The following CHDH variants were observed in gnomAD, a reference collection of about 807,000 sequenced individuals.
The protein encoded by CHDH is choline dehydrogenase, mitochondrial.
CHDH carries 43 observed loss-of-function variants against 56.9 expected under a neutral mutation model. That is an observed-to-expected ratio of 0.76 (90% CI 0.59 to 0.97). The LOEUF is 0.97. Ranked by LOEUF, CHDH falls within the 50% of genes least tolerant of loss-of-function variation. The probability of loss-of-function intolerance (pLI) is 0.00; values close to 1 mark genes in which losing one functional copy is unlikely to be tolerated. For synonymous variants in CHDH, 364 were observed against 348.5 expected, an observed-to-expected ratio of 1.04 and a Z score of -0.50; for missense variants, 816 against 821.1, an observed-to-expected ratio of 0.99 and a Z score of 0.08.
At chr3:53,824,091 A>C (rs899489064) in intron 2 of CHDH, 24 bp from the exon 3 acceptor site, 1 of 1,312,012 alleles carries the variant, frequency 7.6e-7, no homozygotes. Context: ...AGGGGCTTTA[A>C]AAATCTTAAC....
chr3:53,817,592 C>G lies in CHDH; in HGVS notation c.*185G>C. On this transcript the variant is annotated 3_prime_UTR_variant, in exon 9 of 9. Transcript: ENST00000315251. ...ACAGGGAAAGGCTGGGGAAAAGGAG[C>G]TGGATTCACTGCCCAGTACTTGTCT... 2 of 567,174 alleles carry G rather than the reference C, an allele frequency of 3.5e-6. No individual in the cohort carries two copies. Among genetic ancestry groups the G allele is most frequent in the South Asian group, 5.3e-5 (2 of 38,094 alleles). 35.1% of individuals were successfully genotyped at this position (567,174 alleles called of 1,614,324 possible). A position where few individuals can be genotyped will look rare whatever the true frequency, so the allele number is the denominator to read the frequency against.
intron 2 of CHDH, among the ~76,000 whole-genome samples, chr3:53,840,327 G>GTTC (rs1698631156): frequency 6.6e-6 from 1 of 152,124 alleles, no homozygotes; most frequent in Non-Finnish European, 1.5e-5. Flanking sequence ...AGGAGTTCAA[G>GTTC]ACCAGCTTGG....
intron 2 of CHDH, among the ~76,000 whole-genome samples, chr3:53,827,733 A>G (rs1277846913): frequency 6.6e-6 from 1 of 152,260 alleles, no homozygotes; most frequent in Non-Finnish European, 1.5e-5. Flanking sequence ...CCCTGATGAA[A>G]TTTAAAAACT....
intron 8 of CHDH, among the ~76,000 whole-genome samples, chr3:53,818,533 C>A (rs2095619990): frequency 6.6e-6 from 1 of 152,188 alleles, no homozygotes; most frequent in African/African-American, 2.4e-5. Flanking sequence ...CACTGCTGGG[C>A]AAAACCTGCC....
chr3:53,820,316 T>A (rs2095623755), intron 6 of CHDH, among the ~76,000 whole-genome samples, 158 bp downstream of exon 6: 1 of 152,154 alleles, frequency 6.6e-6, no homozygotes, highest in Non-Finnish European at 1.5e-5. Flanking sequence ...AAACTGTGCA[T>A]CCCCATTTTG....
intron 2 of CHDH, among the ~76,000 whole-genome samples, chr3:53,830,334 TG>T (rs1698295209): frequency 6.6e-6 from 1 of 151,846 alleles, no homozygotes; most frequent in African/African-American, 2.4e-5. Context: ...CACATCAACA[TG>T]GATGAATCCT....
At chr3:53,821,447 G>GAAAAC (rs1382186779) in intron 5 of CHDH, among the ~76,000 whole-genome samples, 200 bp downstream of exon 5, 1 of 152,206 alleles carries the variant, frequency 6.6e-6, no homozygotes, top group Non-Finnish European at 1.5e-5. Flanking sequence ...GAGGGAGAAG[G>GAAAAC]AAAACAATGC....
In CHDH at chr3:53,819,418, C is replaced by A; in HGVS notation, c.1263+114G>T. On this transcript the variant is annotated intron_variant, in intron 7 of 8. Coordinates refer to ENST00000315251, the MANE Select transcript of CHDH (RefSeq NM_018397.5). The surrounding 1 kb of genome is among the most constrained non-coding windows in gnomAD (Gnocchi z 5.4). ...AGGCAGGGGACAGGCCTCTGTGTCC[C>A]CCACTCTGCAGCCATATGGCACCAG... is the stretch of plus-strand genomic sequence containing the variant. 7.2e-7 allele frequency: 1 copy of A among 1,391,580 alleles called. No individual in the cohort carries two copies. The highest frequency in any genetic ancestry group is 9.8e-7 in the Non-Finnish European group (1 of 1,020,894). The allele number at this position is 1,391,580 out of a possible 1,614,324, so 86.2% of individuals were successfully genotyped here.
Position 53,823,624 on chromosome 3 carries a change from C to G in CHDH, c.385G>C (p.Gly129Arg), listed in dbSNP as rs1448308747. 6.5e-7 allele frequency: 1 copy of G among 1,543,906 alleles called. No individual in the cohort carries two copies. The highest frequency in any genetic ancestry group is 8.7e-7 in the Non-Finnish European group (1 of 1,146,260). Residue 129 changes from glycine (G) to arginine (R), a missense_variant, in exon 3 of 9, where the codon GGT (glycine) becomes CGT (arginine). Coordinates refer to ENST00000315251, the MANE Select transcript of CHDH (RefSeq NM_018397.5). ...ATGGCATTGAGGGATGAGGAGCCACCCCAGACGCGGCCGCGTGGCCAGTAC... is the reference window on the plus strand; with the variant it reads ...ATGGCATTGAGGGATGAGGAGCCACGCCAGACGCGGCCGCGTGGCCAGTAC... ...VLYWPRGRVW[G>R]GSSSLNAMVY...
intron 2 of CHDH, among the ~76,000 whole-genome samples, chr3:53,828,291 C>A (rs975717315): frequency 1.3e-5 from 2 of 152,090 alleles, no homozygotes; most frequent in African/African-American, 4.8e-5. Flanking sequence ...CTATAAAACT[C>A]CTAGAAGATA....
intron 5 of CHDH, among the ~76,000 whole-genome samples, chr3:53,821,170 GAGAC>G (rs1290845467): frequency 6.6e-6 from 1 of 152,262 alleles, no homozygotes; most frequent in East Asian, 1.9e-4. Context: ...AGGAGGGCAA[GAGAC>G]AGAGCCCGAC....
chr3:53,818,015 C>G lies in CHDH; in HGVS notation c.1547G>C (p.Cys516Ser). The G allele has an allele frequency of 6.2e-7, 1 of 1,614,220 alleles. No individual in the cohort carries two copies. ...GGGATCGGAGGGCTGGCCCATCTTA[C>G]AGGTGCACGAGGGGTGGTAGGCGCT... ...ADSAYHPSCT[C>S]KMGQPSDPTA... Residue 516 changes from cysteine (C) to serine (S), a missense_variant, in exon 9 of 9, where the codon TGT (cysteine) becomes TCT (serine). Transcript: ENST00000315251.
intron 2 of CHDH, among the ~76,000 whole-genome samples, chr3:53,829,765 T>C (rs1391477689): frequency 1.3e-5 from 2 of 152,162 alleles, no homozygotes; most frequent in South Asian, 2.1e-4. Context: ...TTGACTCCAC[T>C]CCCTAACTAT....
chr3:53,837,327 G>A (rs1244365221), intron 2 of CHDH, among the ~76,000 whole-genome samples: 1 of 152,230 alleles, frequency 6.6e-6, no homozygotes, highest in African/African-American at 2.4e-5. Context: ...TGGACAGTGT[G>A]GACGAGGCCA....
At chr3:53,824,723 C>T (rs1488409878) in intron 2 of CHDH, among the ~76,000 whole-genome samples, 2 of 152,134 alleles carry the variant, frequency 1.3e-5, no homozygotes, top group Non-Finnish European at 2.9e-5. Flanking sequence ...AGAAAAATGG[C>T]AATAGCTTTG....
rs1229893256 is a variant in CHDH at position 53,823,658 on chromosome 3, G to A, written c.351C>T (p.Gly117=). ...GGCCGCGTGGCCAGTACAGCACGCGGCCGTCCAGGCCCCGCTGCACCTCTG... is the reference window on the plus strand; with the variant it reads ...GGCCGCGTGGCCAGTACAGCACGCGACCGTCCAGGCCCCGCTGCACCTCTG... ...YHTEVQRGLD[G]RVLYWPRGRV... The change falls in exon 3 of 9, where the codon GGC becomes GGT. Residue 117 remains glycine (G), a synonymous_variant. Coordinates refer to ENST00000315251, the MANE Select transcript of CHDH (RefSeq NM_018397.5). The A allele has an allele frequency of 6.5e-7, 1 of 1,545,680 alleles. No homozygotes were observed.
In CHDH at chr3:53,812,429, T is replaced by G. The variant is rs942830060; in HGVS notation, c.*5348A>C. On this transcript the variant is annotated 3_prime_UTR_variant, in exon 9 of 9. Coordinates refer to ENST00000315251, the MANE Select transcript of CHDH (RefSeq NM_018397.5). ...ACTACAGAAATTTTTCTAAAATATT[T>G]TGAGTCACTATAAACCTATCATCTT... 1 of 152,244 alleles carries G rather than the reference T, an allele frequency of 6.6e-6. No homozygotes were observed. The highest frequency in any genetic ancestry group is 2.4e-5 in the African/African-American group (1 of 41,462). 9.4% of individuals were successfully genotyped at this position (152,244 alleles called of 1,614,324 possible). A position where few individuals can be genotyped will look rare whatever the true frequency, so the allele number is the denominator to read the frequency against.
rs1412559141 is a variant in CHDH at position 53,813,239 on chromosome 3, A to T, written c.*4538T>A. The stretch of plus-strand genomic sequence containing the variant: ...CTCTGATCCAGGCAAAAACACTTCA[A>T]GGTTTGTAAATGACTCTTTCCTGAC... On this transcript the variant is annotated 3_prime_UTR_variant, in exon 9 of 9. Transcript: ENST00000315251. 6.6e-6 allele frequency: 1 copy of T among 151,446 alleles called. No individual in the cohort carries two copies. The highest frequency in any genetic ancestry group is 2.4e-5 in the African/African-American group (1 of 41,136). 9.4% of individuals were successfully genotyped at this position (151,446 alleles called of 1,614,324 possible). A position where few individuals can be genotyped will look rare whatever the true frequency, so the allele number is the denominator to read the frequency against.
In CHDH at chr3:53,816,886, C is replaced by T. The variant is rs2095616924; in HGVS notation, c.*891G>A. On this transcript the variant is annotated 3_prime_UTR_variant, in exon 9 of 9. Transcript: ENST00000315251. Reference sequence around the variant, plus strand: ...TTTGAGACAGGGTCTCACCCTGTCACCCAGGCTGGAGTGCAGTGGTGCCAT... The same window carrying T: ...TTTGAGACAGGGTCTCACCCTGTCATCCAGGCTGGAGTGCAGTGGTGCCAT... 6.9e-6 allele frequency: 1 copy of T among 144,982 alleles called. No individual in the cohort carries two copies. Among genetic ancestry groups the T allele is most frequent in the Admixed American group, 7.0e-5 (1 of 14,278 alleles). 9.0% of individuals were successfully genotyped at this position (144,982 alleles called of 1,614,324 possible).
Sources: allele counts gnomAD v4.1 joint callset (sites outside exome capture counted in the v4.1 genomes callset), GRCh38; gene constraint gnomAD v4.1.1; non-coding constraint Gnocchi (gnomAD v3.1); transcripts MANE v1.5; gene names NCBI Gene and HGNC (gene_info 2026-07-23, HGNC 2026-07-21).